The following SRRM1 variants were observed in gnomAD, a reference collection of about 807,000 sequenced individuals.
SRRM1 encodes serine and arginine repetitive matrix 1.
SRRM1 carries 19 observed loss-of-function variants against 110.2 expected under a neutral mutation model. The observed-to-expected ratio is 0.17, with a 90% CI of 0.12 to 0.25. SRRM1 has a LOEUF of 0.25. SRRM1 is among the 10% of genes least tolerant of loss of function. The pLI is 1.00. For synonymous variants in SRRM1, 443 were observed against 414.9 expected, an observed-to-expected ratio of 1.07 and a Z score of -0.82; for missense variants, 918 against 1,145.8, an observed-to-expected ratio of 0.80 and a Z score of 2.87.
intron 3 of SRRM1, 95 bp from the exon 4 acceptor site, chr1:24,648,764 A>C: frequency 8.5e-7 from 1 of 1,172,376 alleles, no homozygotes; most frequent in East Asian, 2.4e-5. Flanking sequence ...GGTAGACTTA[A>C]AAAATACTAA....
Position 24,655,012 on chromosome 1 carries a change from A to G in SRRM1, c.1198A>G (p.Arg400Gly), listed in dbSNP as rs1370228410. The stretch of plus-strand genomic sequence containing the variant: ...AGCAAGTCCTCCAAGGCGAAGGCAC[A>G]GGCCATCACCTCCTGCAACTCCACC... ...PSASPPRRRHRPSPPATPPPK... is the reference protein window; with the variant it reads ...PSASPPRRRHGPSPPATPPPK... Residue 400 changes from arginine (R) to glycine (G), a missense_variant, in exon 9 of 17, where the codon AGG becomes GGG. This residue lies in a region of SRRM1 where 456 missense variants were observed against 453.5 expected (regional missense o/e 1.01). Coordinates refer to ENST00000323848, the MANE Select transcript of SRRM1 (RefSeq NM_005839.4). 1 of 1,614,226 alleles carries G rather than the reference A, an allele frequency of 6.2e-7. No individual in the cohort carries two copies. The highest frequency in any genetic ancestry group is 1.3e-5 in the African/African-American group (1 of 75,064).
At position 24,661,479 on chromosome 1, in the gene SRRM1, A is replaced by G. The variant is rs542671370; in HGVS notation, c.1483+83A>G. On this transcript the variant is annotated intron_variant, in intron 11 of 16. Transcript: ENST00000323848. ...GTATATAAACATCTGTGTGTGCAGCATGAGTACTTACTTGCCTACATAGAA... is the reference window on the plus strand; with the variant it reads ...GTATATAAACATCTGTGTGTGCAGCGTGAGTACTTACTTGCCTACATAGAA... 5.3e-4 allele frequency: 520 copies of G among 975,828 alleles called. 5 individuals are homozygous for G. The South Asian group carries it at 7.8e-3, about 15-fold the overall frequency. 60.4% of individuals were successfully genotyped at this position (975,828 alleles called of 1,614,324 possible).
intron 5 of SRRM1, 107 bp from the exon 6 acceptor site, chr1:24,651,302 A>G (rs1413079891): frequency 2.4e-6 from 2 of 837,170 alleles, no homozygotes; most frequent in Non-Finnish European, 3.7e-6. Context: ...GAAACATCTC[A>G]GATATAAACA....
rs150194661 is a variant in SRRM1, at chr1:24,670,147, A to T, written c.2232A>T (p.Val744=). ...CTGCTTCCCCAAGCCCACAGTCTGT[A>T]AGAAGGGTCTCATCCTCCCGATCTG... is the stretch of plus-strand genomic sequence containing the variant. ...KKAASPSPQS[V]RRVSSSRSVS... The change falls in exon 15 of 17, where the codon GTA becomes GTT. Residue 744 remains valine (V), a synonymous_variant. Coordinates refer to ENST00000323848, the MANE Select transcript of SRRM1 (RefSeq NM_005839.4). 1.6e-4 allele frequency: 254 copies of T among 1,608,918 alleles called. No homozygotes were observed. The highest frequency in any genetic ancestry group is 2.0e-4 in the Non-Finnish European group (237 of 1,178,096).
intron 11 of SRRM1, 35 bp downstream of exon 11, chr1:24,661,431 T>G: frequency 6.7e-7 from 1 of 1,483,006 alleles, no homozygotes; most frequent in Non-Finnish European, 9.3e-7. Flanking sequence ...TTTCTACCTG[T>G]ATTTCCTATT....
intron 9 of SRRM1, among the ~76,000 whole-genome samples, chr1:24,659,151 G>A (rs1665850289): frequency 6.6e-6 from 1 of 151,782 alleles, no homozygotes; most frequent in African/African-American, 2.4e-5. Flanking sequence ...CCGAGATCAT[G>A]CCATTGCACT....
chr1:24,652,031 T>TATATATATATATATATAC (rs1661070761), intron 6 of SRRM1, among the ~76,000 whole-genome samples: 1 of 72,962 alleles, frequency 1.4e-5, no homozygotes. Flanking sequence ...GTACTAAAAA[T>TATATATATATATATATAC]ATATATATAT....
chr1:24,667,058 AATC>A, intron 13 of SRRM1, 133 bp downstream of exon 13: 1 of 599,098 alleles, frequency 1.7e-6, no homozygotes, highest in Non-Finnish European at 3.0e-6. Flanking sequence ...GTGAAAACCC[AATC>A]ATCATGCTTA....
chr1:24,664,834 G>T (rs1669086208), intron 12 of SRRM1, among the ~76,000 whole-genome samples: 1 of 152,138 alleles, frequency 6.6e-6, no homozygotes. Flanking sequence ...TTGCTTTACA[G>T]AGTTAGATTA....
At chr1:24,646,642 C>A in intron 2 of SRRM1, 25 bp from the exon 3 acceptor site, 1 of 1,546,804 alleles carries the variant, frequency 6.5e-7, no homozygotes, top group South Asian at 1.2e-5. Context: ...TGAAGTTGTA[C>A]TTAATTGTTT....
intron 13 of SRRM1, 51 bp downstream of exon 13, chr1:24,666,976 C>A: frequency 9.1e-7 from 1 of 1,101,130 alleles, no homozygotes; most frequent in Non-Finnish European, 1.3e-6. Flanking sequence ...CCCCCCGCCC[C>A]TGATAACATC....
rs531716854 is a variant in SRRM1, at chr1:24,670,902, A to G, written c.2401-484A>G. Among the ~76,000 whole-genome samples the G allele has an allele frequency of 2.6e-5, 4 of 152,330 alleles. No individual in the cohort carries two copies. The East Asian group carries it at 7.8e-4, about 30-fold the overall frequency. The stretch of plus-strand genomic sequence containing the variant: ...TTTGCATAAATTTGGTATGTGTGTC[A>G]TGAGGAAGAACCAGTCATCCCCACT... On this transcript the variant is annotated intron_variant, in intron 15 of 16. Transcript: ENST00000323848.
chr1:24,663,368 A>G (rs1668215756), intron 12 of SRRM1: 1 of 533,664 alleles, frequency 1.9e-6, no homozygotes, highest in African/African-American at 1.9e-5. Context: ...TTTTGGTTTG[A>G]GTATTTTTTT....
Position 24,660,803 on chromosome 1 carries a change from AGTTT to A in SRRM1, c.1396+8_1396+11del, listed in dbSNP as rs759742157. The A allele has an allele frequency of 1.3e-5, 20 of 1,575,128 alleles. 1 individual carries two copies. In the African/African-American group the frequency reaches 2.2e-4, roughly 18 times the overall value. On this transcript the variant is annotated splice_donor_5th_base_variant and intron_variant, in intron 10 of 16. Transcript: ENST00000323848. ...AAAGTAGAGTTATCTGAATCGGGTA[AGTTT>A]GTTGTTTTTTTTTGTGATTTTGGTT...
intron 8 of SRRM1, 140 bp from the exon 9 acceptor site, chr1:24,654,715 T>A: frequency 1.0e-6 from 1 of 989,594 alleles, no homozygotes; most frequent in Non-Finnish European, 1.5e-6. Context: ...TCCCCCATTC[T>A]TTTGGACTCA....
chr1:24,655,028 C>T lies in SRRM1; in HGVS notation c.1214C>T (p.Ala405Val), dbSNP rs368679569. Residue 405 changes from alanine to valine, a missense_variant, in exon 9 of 17, where the codon GCA becomes GTA. Ala to Val is a moderately conservative substitution (Grantham distance 64). Coordinates refer to ENST00000323848, the MANE Select transcript of SRRM1 (RefSeq NM_005839.4). ...PRRRHRPSPP[A>V]TPPPKTRHSP... is the part of the protein sequence containing the mutation. ...CGAAGGCACAGGCCATCACCTCCTG[C>T]AACTCCACCACCCAAAACTCGGCAT... 2.8e-5 allele frequency: 45 copies of T among 1,614,092 alleles called. No individual in the cohort carries two copies. The highest frequency in any genetic ancestry group is 3.3e-4 in the Middle Eastern group (2 of 6,084).
chr1:24,651,819 T>C (rs1193475932), intron 6 of SRRM1, among the ~76,000 whole-genome samples: 1 of 151,728 alleles, frequency 6.6e-6, no homozygotes, highest in Non-Finnish European at 1.5e-5. Context: ...TTGGTTGTAT[T>C]GTTTCAGGTA....
rs1286262222 is a variant in SRRM1 at position 24,652,797 on chromosome 1, A to G, written c.921-116A>G. On this transcript the variant is annotated intron_variant, in intron 7 of 16. Coordinates refer to ENST00000323848, the MANE Select transcript of SRRM1 (RefSeq NM_005839.4). ...TTCTGTGTACCATAAAAATCTACAT[A>G]AATGGAAAATTTTGATCTTTGAAAT... The G allele has an allele frequency of 3.5e-6, 5 of 1,409,274 alleles. No individual in the cohort carries two copies. In the African/African-American group the frequency reaches 5.8e-5, roughly 16 times the overall value. The allele number at this position is 1,409,274 out of a possible 1,614,324, so 87.3% of individuals were successfully genotyped here. A position where few individuals can be genotyped will look rare whatever the true frequency, so the allele number is the denominator to read the frequency against.
At chr1:24,651,915 G>A (rs11249151) in intron 6 of SRRM1, among the ~76,000 whole-genome samples, 68,079 of 148,930 alleles carry the variant, frequency 0.46, 16,849 homozygotes, top group East Asian at 0.59. Flanking sequence ...TGCCAGATGC[G>A]GGGGTGCATG....
Sources: allele counts gnomAD v4.1 joint callset (sites outside exome capture counted in the v4.1 genomes callset), GRCh38; gene constraint gnomAD v4.1.1; regional missense constraint gnomAD v4.1.1; transcripts MANE v1.5; gene names NCBI Gene and HGNC (gene_info 2026-07-23, HGNC 2026-07-21).